The following YTHDC1 variants were observed in gnomAD, a reference collection of about 807,000 sequenced individuals.
The protein encoded by YTHDC1 is YTH domain-containing protein 1.
In YTHDC1, 12 loss-of-function variants were observed where a neutral mutation model predicts 107.0. The observed-to-expected ratio is 0.11, with a 90% confidence interval of 0.07 to 0.18. YTHDC1 has a LOEUF of 0.18. YTHDC1 is among the 10% of genes least tolerant of loss of function. The probability of loss-of-function intolerance (pLI) is 1.00; values close to 1 mark genes in which losing one functional copy is unlikely to be tolerated. For missense variants in YTHDC1, 635 were observed against 898.8 expected, an observed-to-expected ratio of 0.71 and a Z score of 3.75; for synonymous variants, 280 against 289.5, an observed-to-expected ratio of 0.97 and a Z score of 0.33.
At position 68,310,873 on chromosome 4, in the gene YTHDC1, GACC is replaced by G. The variant is rs887740542; in HGVS notation, c.*3223_*3225del. On this transcript the variant is annotated 3_prime_UTR_variant, in exon 17 of 17. Transcript: ENST00000344157. ...ACAGGATGTATGTGACCCTCAGAAA[GACC>G]ACGACATTCTACAGCAGAATGTAGA... The G allele has an allele frequency of 1.3e-5, 2 of 152,072 alleles. No individual in the cohort carries two copies. The highest frequency in any genetic ancestry group is 4.8e-5 in the African/African-American group (2 of 41,402). The allele number at this position is 152,072 out of a possible 1,614,324, so 9.4% of individuals were successfully genotyped here. A position where few individuals can be genotyped will look rare whatever the true frequency, so the allele number is the denominator to read the frequency against.
intron 7 of YTHDC1, among the ~76,000 whole-genome samples, chr4:68,331,055 C>G (rs1432387864): frequency 6.6e-6 from 1 of 152,084 alleles, no homozygotes; most frequent in East Asian, 1.9e-4. Flanking sequence ...TGAGGATGCT[C>G]AAGTCCCTTA....
chr4:68,338,617 G>A (rs1168759938), intron 1 of YTHDC1, among the ~76,000 whole-genome samples: 1 of 152,258 alleles, frequency 6.6e-6, no homozygotes, highest in African/African-American at 2.4e-5. Flanking sequence ...TTGGGAGGCT[G>A]AGGCAGGCCA....
At chr4:68,331,091 T>C (rs183183250) in intron 7 of YTHDC1, among the ~76,000 whole-genome samples, 3 of 152,284 alleles carry the variant, frequency 2.0e-5, no homozygotes, top group Non-Finnish European at 2.9e-5. Context: ...TATTTGCGTA[T>C]AACCCATGCA....
intron 1 of YTHDC1, among the ~76,000 whole-genome samples, chr4:68,346,233 T>C (rs1040847688): frequency 1.3e-5 from 2 of 151,766 alleles, no homozygotes; most frequent in Non-Finnish European, 2.9e-5. Flanking sequence ...CTGGGCAACA[T>C]AGGAAGACCT....
At chr4:68,319,753 T>G (rs1421051989) in intron 12 of YTHDC1, among the ~76,000 whole-genome samples, 1 of 152,176 alleles carries the variant, frequency 6.6e-6, no homozygotes, top group South Asian at 2.1e-4. Flanking sequence ...TAGCATTGTA[T>G]GTATATGTAT....
At chr4:68,344,795 G>A (rs1441723451) in intron 1 of YTHDC1, among the ~76,000 whole-genome samples, 1 of 152,142 alleles carries the variant, frequency 6.6e-6, no homozygotes, top group Admixed American at 6.5e-5. Context: ...CAGCATTTTG[G>A]GAGGCCAAAG....
In YTHDC1 at chr4:68,313,932, T is replaced by G. The variant is rs1721526201; in HGVS notation, c.*167A>C. 1.3e-6 allele frequency: 1 copy of G among 747,518 alleles called. No homozygotes were observed. 46.3% of individuals were successfully genotyped at this position (747,518 alleles called of 1,614,324 possible). ...TTTTGGCGGATTTGAGTTTTTCCAG[T>G]TCTTATGATACTGCATGCTTGGAAC... is the stretch of plus-strand genomic sequence containing the variant. On this transcript the variant is annotated 3_prime_UTR_variant, in exon 17 of 17. Coordinates refer to ENST00000344157, the MANE Select transcript of YTHDC1 (RefSeq NM_001031732.4).
intron 4 of YTHDC1, 98 bp downstream of exon 4, chr4:68,336,929 T>TC (rs1724230112): frequency 1.4e-6 from 2 of 1,428,210 alleles, no homozygotes; most frequent in East Asian, 2.4e-5. Flanking sequence ...CCTATTAATA[T>TC]CCCCCATCTC....
intron 1 of YTHDC1, among the ~76,000 whole-genome samples, chr4:68,345,903 T>C (rs1028476355): frequency 4.0e-5 from 6 of 151,870 alleles, no homozygotes; most frequent in Admixed American, 6.6e-5. Context: ...CTAGGGACAA[T>C]AGACTATACC....
At chr4:68,346,292 G>A (rs922483387) in intron 1 of YTHDC1, among the ~76,000 whole-genome samples, 5 of 152,044 alleles carry the variant, frequency 3.3e-5, no homozygotes, top group Non-Finnish European at 5.9e-5. Context: ...GCACACACCT[G>A]TAGTCCCAGC....
At chr4:68,316,971 G>A (rs1721930231) in intron 15 of YTHDC1, among the ~76,000 whole-genome samples, 1 of 152,126 alleles carries the variant, frequency 6.6e-6, no homozygotes, top group African/African-American at 2.4e-5. Flanking sequence ...GGTGGCTCAC[G>A]CCCATATCCC....
Position 68,313,995 on chromosome 4 carries a change from T to G in YTHDC1, c.*104A>C. The G allele has an allele frequency of 8.5e-7, 1 of 1,182,608 alleles. No homozygotes were observed. The highest frequency in any genetic ancestry group is 1.4e-5 in the South Asian group (1 of 70,434). The allele number at this position is 1,182,608 out of a possible 1,614,324, so 73.3% of individuals were successfully genotyped here. A position where few individuals can be genotyped will look rare whatever the true frequency, so the allele number is the denominator to read the frequency against. On this transcript the variant is annotated 3_prime_UTR_variant, in exon 17 of 17. Transcript: ENST00000344157. ...AATAAATCCTTCTACACAATGAACT[T>G]CATAGGCAGACAGCTGAAAATAAAT...
In YTHDC1 at chr4:68,311,646, TA is replaced by T. The variant is rs1295965024; in HGVS notation, c.*2452del. The stretch of plus-strand genomic sequence containing the variant: ...ATACAATGTTCCGGTAAGTTTATTT[TA>T]AAAATTAGGAAAGGAGAAAACAGTG... On this transcript the variant is annotated 3_prime_UTR_variant, in exon 17 of 17. Transcript: ENST00000344157. 1 of 152,208 alleles carries T rather than the reference TA, an allele frequency of 6.6e-6. No homozygotes were observed. The highest frequency in any genetic ancestry group is 1.9e-4 in the East Asian group (1 of 5,200). 9.4% of individuals were successfully genotyped at this position (152,208 alleles called of 1,614,324 possible).
chr4:68,320,656 A>T (rs1440114245), intron 11 of YTHDC1, among the ~76,000 whole-genome samples: 2 of 152,102 alleles, frequency 1.3e-5, no homozygotes, highest in African/African-American at 4.8e-5. Flanking sequence ...AAAACTTATA[A>T]ATGTCATTTT....
At chr4:68,332,950 T>A in intron 5 of YTHDC1, 103 bp from the exon 6 acceptor site, 1 of 999,480 alleles carries the variant, frequency 1.0e-6, no homozygotes, top group Non-Finnish European at 1.5e-6. Flanking sequence ...GACAAATTAT[T>A]CTTCCTGGCG....
Position 68,310,719 on chromosome 4 carries a change from T to C in YTHDC1, c.*3380A>G, listed in dbSNP as rs1466434306. ...AAAATCTTAAACATGAAGCTAAAAT[T>C]ATCCATGTGTGTCACAGTCACCCTT... is the stretch of plus-strand genomic sequence containing the variant. On this transcript the variant is annotated 3_prime_UTR_variant, in exon 17 of 17. Coordinates refer to ENST00000344157, the MANE Select transcript of YTHDC1 (RefSeq NM_001031732.4). The C allele has an allele frequency of 6.6e-6, 1 of 152,208 alleles. No individual in the cohort carries two copies. 9.4% of individuals were successfully genotyped at this position (152,208 alleles called of 1,614,324 possible). A position where few individuals can be genotyped will look rare whatever the true frequency, so the allele number is the denominator to read the frequency against.
rs1578005936 is a variant in YTHDC1 at position 68,311,627 on chromosome 4, T to C, written c.*2472A>G. 1 of 152,342 alleles carries C rather than the reference T, an allele frequency of 6.6e-6. No homozygotes were observed. Among genetic ancestry groups the C allele is most frequent in the East Asian group, 1.9e-4 (1 of 5,186 alleles). The allele number at this position is 152,342 out of a possible 1,614,324, so 9.4% of individuals were successfully genotyped here. A position where few individuals can be genotyped will look rare whatever the true frequency, so the allele number is the denominator to read the frequency against. On this transcript the variant is annotated 3_prime_UTR_variant, in exon 17 of 17. Transcript: ENST00000344157. ...AAAAAATCTTGCATTTTTTATACAATGTTCCGGTAAGTTTATTTTAAAAAT... is the reference window on the plus strand; with the variant it reads ...AAAAAATCTTGCATTTTTTATACAACGTTCCGGTAAGTTTATTTTAAAAAT...
At chr4:68,343,230 T>C (rs1725045533) in intron 1 of YTHDC1, among the ~76,000 whole-genome samples, 1 of 151,986 alleles carries the variant, frequency 6.6e-6, no homozygotes, top group Non-Finnish European at 1.5e-5. Flanking sequence ...ACAGAGTCTC[T>C]CTCTGTCACC....
intron 1 of YTHDC1, among the ~76,000 whole-genome samples, chr4:68,348,995 T>C (rs1036305106): frequency 6.6e-6 from 1 of 152,218 alleles, no homozygotes; most frequent in Non-Finnish European, 1.5e-5. Context: ...CAGTTCTCTC[T>C]ACATTTCACT....
Sources: gnomAD v4.1 joint callset for allele counts (sites outside exome capture counted in the v4.1 genomes callset) on GRCh38, gnomAD v4.1.1 for gene constraint, MANE v1.5 for transcripts, NCBI Gene and HGNC (gene_info 2026-07-23, HGNC 2026-07-21) for gene names.